The following AAMDC variants were observed in gnomAD, a reference collection of about 807,000 sequenced individuals.
AAMDC encodes the protein adipogenesis associated Mth938 domain containing, also known as mth938 domain-containing protein.
Under a neutral mutation model 15.5 loss-of-function variants are expected in AAMDC, and 16 were observed. The ratio of observed to expected loss-of-function variants is 1.03; its 90% CI spans 0.70 to 1.57. The LOEUF (loss-of-function observed/expected upper bound fraction) is 1.57, where lower values mean the gene tolerates loss of function less well. Among genes scored for constraint, AAMDC ranks in the 40% most tolerant of loss-of-function variants. AAMDC has a pLI of 0.00. For missense variants in AAMDC, 141 were observed against 144.9 expected (o/e 0.97, Z 0.14); for synonymous variants, 51 against 51.6 (o/e 0.99, Z 0.05).
chr11:77,848,626 C>G (rs1315633455), intron 2 of AAMDC, among the ~76,000 whole-genome samples: 37 of 152,158 alleles, frequency 2.4e-4, no homozygotes, highest in Admixed American at 2.4e-3. Context: ...TCCCAAAGTG[C>G]TGGGATTACA....
At chr11:77,836,130 T>G (rs751759788) in intron 1 of AAMDC, among the ~76,000 whole-genome samples, 1 of 152,124 alleles carries the variant, frequency 6.6e-6, no homozygotes, top group African/African-American at 2.4e-5. Flanking sequence ...CCAATAAATA[T>G]TCCTTTTTTT....
At chr11:77,900,161 G>A in intron 5 of AAMDC, among the ~76,000 whole-genome samples, 1 of 151,636 alleles carries the variant, frequency 6.6e-6, no homozygotes, top group East Asian at 1.9e-4. Context: ...GTGCAGTGGT[G>A]TGATTTCGGC....
At chr11:77,884,909 C>T (rs1426102695) in intron 5 of AAMDC, 3 of 236,478 alleles carry the variant, frequency 1.3e-5, no homozygotes, top group Non-Finnish European at 1.8e-5. Flanking sequence ...CACGTGCCAC[C>T]ACGCCAGGTA....
downstream of AAMDC, among the ~76,000 whole-genome samples, chr11:77,902,073 T>C (rs71469589): frequency 6.6e-6 from 1 of 152,246 alleles, no homozygotes; most frequent in South Asian, 2.1e-4. Flanking sequence ...TGCTCGGTTC[T>C]ATCCAAATAA....
chr11:77,825,882 G>C (rs1006892895), intron 1 of AAMDC, among the ~76,000 whole-genome samples: 2 of 151,910 alleles, frequency 1.3e-5, no homozygotes, highest in East Asian at 3.9e-4. Flanking sequence ...TGTAGAGATG[G>C]GGTTTCACTA....
chr11:77,870,565 C>T (rs1951381215), intron 3 of AAMDC, among the ~76,000 whole-genome samples: 1 of 151,966 alleles, frequency 6.6e-6, no homozygotes, highest in African/African-American at 2.4e-5. Context: ...TCTTGATCTC[C>T]TGACCTCGTG....
chr11:77,831,393 A>C (rs1007448019), intron 1 of AAMDC, among the ~76,000 whole-genome samples: 2 of 152,212 alleles, frequency 1.3e-5, no homozygotes, highest in Non-Finnish European at 2.9e-5. Context: ...TTTTACATAA[A>C]TGTTCATAAC....
intron 2 of AAMDC, among the ~76,000 whole-genome samples, chr11:77,843,308 A>C (rs988937200): frequency 6.6e-6 from 1 of 152,102 alleles, no homozygotes; most frequent in Non-Finnish European, 1.5e-5. Flanking sequence ...CCCAAGGTAG[A>C]GCCTCCTTTC....
intron 1 of AAMDC, among the ~76,000 whole-genome samples, chr11:77,838,789 T>C (rs577334402): frequency 1.4e-3 from 220 of 152,206 alleles, no homozygotes; most frequent in African/African-American, 5.0e-3. Context: ...GCTATTTTTT[T>C]GTATTTTTAG....
downstream of AAMDC, among the ~76,000 whole-genome samples, chr11:77,903,934 T>C (rs1952859984): frequency 1.3e-5 from 2 of 152,328 alleles, no homozygotes; most frequent in African/African-American, 4.8e-5. Context: ...GCTTCCGGGC[T>C]CTAGGCACTC....
chr11:77,883,342 G>C (rs1024159622), intron 5 of AAMDC, among the ~76,000 whole-genome samples: 10 of 151,992 alleles, frequency 6.6e-5, no homozygotes, highest in African/African-American at 4.8e-5. Context: ...AATCTCCTTT[G>C]TACTTGTATT....
At chr11:77,891,557 C>T (rs1245047865) in intron 5 of AAMDC, 3 of 1,548,888 alleles carry the variant, frequency 1.9e-6, no homozygotes, top group Admixed American at 1.8e-5. Context: ...AATGAGTGGG[C>T]ATGTGGGAGC....
chr11:77,876,733 T>A (rs1213739311), downstream of AAMDC, among the ~76,000 whole-genome samples: 2 of 149,912 alleles, frequency 1.3e-5, no homozygotes, highest in African/African-American at 4.8e-5. Context: ...TTTTGCATTT[T>A]TAAGACAGGA....
At chr11:77,834,435 GATTTT>G (rs1801013438) in intron 1 of AAMDC, among the ~76,000 whole-genome samples, 1 of 130,136 alleles carries the variant, frequency 7.7e-6, no homozygotes, top group Non-Finnish European at 1.6e-5. Flanking sequence ...GGAGAAAGTT[GATTTT>G]GTTTTTTTTT....
intron 2 of AAMDC, among the ~76,000 whole-genome samples, chr11:77,852,461 C>T (rs1950436724): frequency 6.6e-6 from 1 of 152,076 alleles, no homozygotes; most frequent in Admixed American, 6.6e-5. Flanking sequence ...ATGACAGTCA[C>T]TTGCTGTTCA....
At chr11:77,865,095 T>A (rs1421859550) in intron 2 of AAMDC, among the ~76,000 whole-genome samples, 2 of 152,190 alleles carry the variant, frequency 1.3e-5, no homozygotes, top group African/African-American at 4.8e-5. Context: ...CTCCCTTGTA[T>A]ATATTTTGCA....
chr11:77,846,630 C>T (rs533326135), intron 2 of AAMDC, among the ~76,000 whole-genome samples: 131 of 152,274 alleles, frequency 8.6e-4, no homozygotes, highest in African/African-American at 2.7e-3. Context: ...CGCTTGAACC[C>T]GGGAGGTGGA....
intron 2 of AAMDC, among the ~76,000 whole-genome samples, chr11:77,854,576 C>T (rs1224682701): frequency 6.6e-6 from 1 of 152,232 alleles, no homozygotes; most frequent in Non-Finnish European, 1.5e-5. Context: ...CCATGTCTCA[C>T]ATCCAGGTAA....
Position 77,878,165 on chromosome 11 carries a change from A to G in AAMDC, c.328+1116A>G, listed in dbSNP as rs900867278. On this transcript the variant is annotated intron_variant, in intron 5 of 5. Coordinates refer to the AAMDC transcript ENST00000304716. ...ATCACGAGGTCAGGAGATCAAGACCATCCTGGCTAACATGGTGAAACCCCG... is the reference window on the plus strand; with the variant it reads ...ATCACGAGGTCAGGAGATCAAGACCGTCCTGGCTAACATGGTGAAACCCCG... 7.9e-5 allele frequency among the ~76,000 whole-genome samples: 12 copies of G among 152,106 alleles called. No individual in the cohort carries two copies. The South Asian group carries it at 8.3e-4, about 11-fold the overall frequency.
Sources: gnomAD v4.1 joint callset for allele counts (sites outside exome capture counted in the v4.1 genomes callset) on GRCh38, gnomAD v4.1.1 for gene constraint, MANE v1.5 for transcripts, NCBI Gene and HGNC (gene_info 2026-07-23, HGNC 2026-07-21) for gene names.